OSBPL10: variants seen among roughly 807,000 people sequenced by gnomAD.
OSBPL10 encodes the protein oxysterol-binding protein-related protein 10.
Under a neutral mutation model 81.7 loss-of-function variants are expected in OSBPL10, and 49 were observed. The ratio of observed to expected loss-of-function variants is 0.60; its 90% CI spans 0.48 to 0.76. The LOEUF is 0.76. Ranked by LOEUF, OSBPL10 falls within the 30% of genes least tolerant of loss-of-function variation. The pLI, the probability that OSBPL10 is intolerant of heterozygous loss-of-function variation, is 0.00. For synonymous variants in OSBPL10, 419 were observed against 383.6 expected, an observed-to-expected ratio of 1.09 and a Z score of -1.08; for missense variants, 923 against 987.8, an observed-to-expected ratio of 0.93 and a Z score of 0.88.
Position 31,682,301 on chromosome 3 carries a change from C to T in OSBPL10, c.1726+1333G>A, listed in dbSNP as rs1043045080. On this transcript the variant is annotated intron_variant, in intron 8 of 11. Coordinates refer to ENST00000396556, the MANE Select transcript of OSBPL10 (RefSeq NM_017784.5). ...AGCCTGGTACTCTCCAGCTCAAAAG[C>T]ACCAGTGGCTTCAGGGCTCCCTCAC... is the stretch of plus-strand genomic sequence containing the variant. Among the ~76,000 whole-genome samples the T allele has an allele frequency of 2.0e-5, 3 of 152,208 alleles. No individual in the cohort carries two copies. The East Asian group carries it at 5.8e-4, about 29-fold the overall frequency.
intron 4 of OSBPL10, among the ~76,000 whole-genome samples, chr3:31,791,985 C>T (rs1200380423): frequency 6.6e-6 from 1 of 152,096 alleles, no homozygotes; most frequent in Non-Finnish European, 1.5e-5. Context: ...GTGGTTCACA[C>T]CTGTAGTCCC....
chr3:31,981,593 C>T (rs1239178850), upstream of OSBPL10, among the ~76,000 whole-genome samples: 1 of 152,172 alleles, frequency 6.6e-6, no homozygotes, highest in Non-Finnish European at 1.5e-5. This position sits in a 1 kb window ranked among gnomAD's most constrained non-coding sequence, Gnocchi z 4.5. Flanking sequence ...GTCACCCACG[C>T]ATTCCTTCTG....
intron 1 of OSBPL10, among the ~76,000 whole-genome samples, chr3:31,941,234 T>C (rs529457845): frequency 2.5e-4 from 38 of 152,274 alleles, no homozygotes; most frequent in African/African-American, 8.9e-4. Context: ...CAGGAGACTG[T>C]ATTATATCAA....
At chr3:31,859,679 A>G (rs1198616137) in intron 3 of OSBPL10, among the ~76,000 whole-genome samples, 4 of 152,204 alleles carry the variant, frequency 2.6e-5, no homozygotes, top group Non-Finnish European at 4.4e-5. Flanking sequence ...ACTTCCATCA[A>G]GGGAACATCA....
chr3:31,756,514 C>T (rs533292821), intron 4 of OSBPL10, among the ~76,000 whole-genome samples: 179 of 152,290 alleles, frequency 1.2e-3, no homozygotes, highest in African/African-American at 3.9e-3. Flanking sequence ...TGTTAACATT[C>T]TGGTATTATT....
intron 1 of OSBPL10, among the ~76,000 whole-genome samples, chr3:31,910,393 G>A (rs1406198618): frequency 6.6e-6 from 1 of 152,014 alleles, no homozygotes; most frequent in Admixed American, 6.6e-5. Flanking sequence ...CCAGAACTTC[G>A]GGAAGCTGAG....
At chr3:32,049,149 A>C (rs1166851432) in intron 1 of OSBPL10, among the ~76,000 whole-genome samples, 1 of 152,214 alleles carries the variant, frequency 6.6e-6, no homozygotes, top group Non-Finnish European at 1.5e-5. Context: ...AAGTATACTC[A>C]GTTGAGCAGC....
chr3:31,870,978 TG>T (rs1212961887), intron 3 of OSBPL10, among the ~76,000 whole-genome samples: 2 of 152,140 alleles, frequency 1.3e-5, no homozygotes, highest in African/African-American at 4.8e-5. Flanking sequence ...GGAGAACCTT[TG>T]TGTCTAGCTC....
chr3:31,674,308 C>T (rs771908305), intron 8 of OSBPL10, among the ~76,000 whole-genome samples: 1 of 152,036 alleles, frequency 6.6e-6, no homozygotes, highest in Non-Finnish European at 1.5e-5. Flanking sequence ...AATCCCAGCA[C>T]TTTGGGAGGT....
intron 2 of OSBPL10, among the ~76,000 whole-genome samples, chr3:31,992,857 CT>C (rs1699049026): frequency 6.6e-6 from 1 of 152,096 alleles, no homozygotes; most frequent in South Asian, 2.1e-4. Context: ...AAAATATTAG[CT>C]GGGTGTGGAT....
chr3:31,841,667 C>T (rs573225541), intron 3 of OSBPL10, among the ~76,000 whole-genome samples: 1 of 152,336 alleles, frequency 6.6e-6, no homozygotes, highest in East Asian at 1.9e-4. Flanking sequence ...CTTCCAAAAC[C>T]TACTGACTGA....
intron 1 of OSBPL10, among the ~76,000 whole-genome samples, chr3:31,917,458 A>C (rs1441156791): frequency 6.6e-6 from 1 of 152,012 alleles, no homozygotes; most frequent in African/African-American, 2.4e-5. Context: ...CTGGCTGCAG[A>C]CAAGTGCAAC....
At chr3:31,744,623 C>T (rs1163479174) in intron 5 of OSBPL10, among the ~76,000 whole-genome samples, 1 of 150,218 alleles carries the variant, frequency 6.7e-6, no homozygotes, top group Non-Finnish European at 1.5e-5. Flanking sequence ...ACAGGGAGGA[C>T]ATGAAGGAGG....
intron 1 of OSBPL10, among the ~76,000 whole-genome samples, chr3:31,908,709 T>C (rs1300818445): frequency 6.6e-6 from 1 of 152,216 alleles, no homozygotes; most frequent in Non-Finnish European, 1.5e-5. Flanking sequence ...TGTGATTCCC[T>C]GGGTTGTGTC....
chr3:31,975,582 G>T (rs1698674720), intron 1 of OSBPL10, among the ~76,000 whole-genome samples: 1 of 152,176 alleles, frequency 6.6e-6, no homozygotes. Flanking sequence ...TGGGTGAGTT[G>T]TGGTGGGCCC....
At chr3:31,934,720 C>T (rs1194379208) in intron 1 of OSBPL10, among the ~76,000 whole-genome samples, 1 of 152,080 alleles carries the variant, frequency 6.6e-6, no homozygotes, top group African/African-American at 2.4e-5. Context: ...TACTACATTT[C>T]TATTCATAAA....
chr3:31,939,928 T>C (rs1697488741), intron 1 of OSBPL10, among the ~76,000 whole-genome samples: 1 of 152,090 alleles, frequency 6.6e-6, no homozygotes, highest in Non-Finnish European at 1.5e-5. Flanking sequence ...ACCATGTTGT[T>C]CAGGCTGGTA....
chr3:31,972,146 C>T (rs918330746), intron 1 of OSBPL10, among the ~76,000 whole-genome samples: 1 of 152,258 alleles, frequency 6.6e-6, no homozygotes, highest in South Asian at 2.1e-4. Flanking sequence ...CCCAGCACTT[C>T]GGGAGGCCAA....
chr3:31,910,962 A>G (rs1333647830), intron 1 of OSBPL10, among the ~76,000 whole-genome samples: 1 of 152,184 alleles, frequency 6.6e-6, no homozygotes, highest in East Asian at 1.9e-4. Flanking sequence ...ATAAAAGAAC[A>G]TTGTCTTCTG....
Sources: gnomAD v4.1 joint callset for allele counts (sites outside exome capture counted in the v4.1 genomes callset) on GRCh38, gnomAD v4.1.1 for gene constraint, Gnocchi (gnomAD v3.1) non-coding constraint, MANE v1.5 for transcripts, NCBI Gene and HGNC (gene_info 2026-07-23, HGNC 2026-07-21) for gene names.